Variants in CADPS2 observed in about 807,000 individuals in gnomAD.
The protein encoded by CADPS2 is calcium dependent secretion activator 2, also known as calcium-dependent secretion activator 2.
In CADPS2, 93 loss-of-function variants were observed where a neutral mutation model predicts 172.5. The ratio of observed to expected loss-of-function variants is 0.54; its 90% CI spans 0.46 to 0.64. CADPS2 has a LOEUF of 0.64. CADPS2 is among the 30% of genes least tolerant of loss of function. The pLI is 0.00. For missense variants in CADPS2, 1,420 were observed against 1,565.9 expected (o/e 0.91, Z 1.57); for synonymous variants, 546 against 555.2 (o/e 0.98, Z 0.23).
chr7:122,533,037 TTTTTAG>T (rs1477619807), intron 8 of CADPS2, among the ~76,000 whole-genome samples: 1 of 152,016 alleles, frequency 6.6e-6, no homozygotes, highest in Non-Finnish European at 1.5e-5. Context: ...CCCACCCCCA[TTTTTAG>T]AAAGGCCTAT....
chr7:122,411,788 A>G (rs1301827023), intron 19 of CADPS2, among the ~76,000 whole-genome samples: 2 of 152,154 alleles, frequency 1.3e-5, no homozygotes, highest in East Asian at 3.9e-4. Flanking sequence ...TGAGGGCCAT[A>G]TTCTAAAAAT....
At chr7:122,796,309 C>G (rs1796360306) in intron 1 of CADPS2, among the ~76,000 whole-genome samples, 1 of 152,170 alleles carries the variant, frequency 6.6e-6, no homozygotes, top group Admixed American at 6.5e-5. Flanking sequence ...ATTCAATGCT[C>G]TTCCATTAAA....
intron 2 of CADPS2, chr7:122,702,007 A>T: frequency 6.2e-7 from 1 of 1,613,700 alleles, no homozygotes; most frequent in South Asian, 1.1e-5. Flanking sequence ...CTAATTCCTC[A>T]TCCCCTTCTT....
intron 2 of CADPS2, among the ~76,000 whole-genome samples, chr7:122,666,754 C>T (rs114587469): frequency 8.2e-4 from 125 of 152,248 alleles, no homozygotes; most frequent in African/African-American, 2.8e-3. Flanking sequence ...GGCAGCAACC[C>T]GTGGGCAGCT....
chr7:122,748,435 G>T lies in CADPS2; in HGVS notation c.340-11367C>A, dbSNP rs538614600. On this transcript the variant is annotated intron_variant, in intron 1 of 29. Transcript: ENST00000449022. ...TGAAGCCATATTTGCAAGAAACAGTGACTTTATGTTTATCACAAAGTATTC... is the reference window on the plus strand; with the variant it reads ...TGAAGCCATATTTGCAAGAAACAGTTACTTTATGTTTATCACAAAGTATTC... Among the ~76,000 whole-genome samples, 5 of 152,186 alleles carry T rather than the reference G, an allele frequency of 3.3e-5. No homozygotes were observed. The East Asian group carries it at 9.7e-4, about 29-fold the overall frequency.
At chr7:122,814,940 G>A (rs1240987186) in intron 1 of CADPS2, among the ~76,000 whole-genome samples, 3 of 152,070 alleles carry the variant, frequency 2.0e-5, no homozygotes. Flanking sequence ...TTCAGGCTCT[G>A]TTTACTATAA....
chr7:122,669,768 C>T (rs2081595879), intron 2 of CADPS2, among the ~76,000 whole-genome samples: 1 of 152,074 alleles, frequency 6.6e-6, no homozygotes. Context: ...CCTTTAATCA[C>T]TTAAGCTCCA....
At chr7:122,798,507 T>C (rs1053468623) in intron 1 of CADPS2, among the ~76,000 whole-genome samples, 2 of 152,148 alleles carry the variant, frequency 1.3e-5, no homozygotes, top group Middle Eastern at 3.2e-3. Flanking sequence ...TCCTATATTA[T>C]CCCAAATGCT....
In CADPS2 at chr7:122,581,308, A is replaced by G. The variant is rs753956478; in HGVS notation, c.1224-18T>C. The G allele has an allele frequency of 1.3e-6, 2 of 1,593,448 alleles. No homozygotes were observed. The highest frequency in any genetic ancestry group is 1.7e-6 in the Non-Finnish European group (2 of 1,162,174). On this transcript the variant is annotated intron_variant, in intron 6 of 29. Transcript: ENST00000449022. Reference sequence around the variant, plus strand: ...TCCCCCATCTGTAATGAAGTAAAAAAAATGTTTCTTAAAATGCAGCATTAT... The same window carrying G: ...TCCCCCATCTGTAATGAAGTAAAAAGAATGTTTCTTAAAATGCAGCATTAT...
chr7:122,846,069 A>G (rs1811917309), intron 1 of CADPS2, among the ~76,000 whole-genome samples: 1 of 152,254 alleles, frequency 6.6e-6, no homozygotes. Context: ...TTTCACAGTT[A>G]AAATTCTAAA....
At chr7:122,459,538 C>T (rs1023204415) in intron 14 of CADPS2, among the ~76,000 whole-genome samples, 4 of 151,936 alleles carry the variant, frequency 2.6e-5, no homozygotes, top group Admixed American at 2.0e-4. Flanking sequence ...AGTCTTTATC[C>T]TTTGTTATAA....
At chr7:122,683,814 C>A (rs925428813) in intron 2 of CADPS2, among the ~76,000 whole-genome samples, 1 of 151,888 alleles carries the variant, frequency 6.6e-6, no homozygotes, top group Admixed American at 6.6e-5. Context: ...CTCCCCAAGT[C>A]TACATGGGTT....
chr7:122,698,532 G>T lies in CADPS2; in HGVS notation c.454-34963C>A, dbSNP rs1467381453. On this transcript the variant is annotated intron_variant, in intron 2 of 29. Transcript: ENST00000449022. The stretch of plus-strand genomic sequence containing the variant: ...GGTTGCCAGTACCTGGAACGTTATA[G>T]ATGATCACTCCACTGGCTCCCTTCT... 3.1e-6 allele frequency: 5 copies of T among 1,614,052 alleles called. No individual in the cohort carries two copies. The South Asian group carries it at 5.5e-5, about 18-fold the overall frequency.
intron 3 of CADPS2, among the ~76,000 whole-genome samples, chr7:122,632,172 G>A (rs959831131): frequency 6.6e-6 from 1 of 152,262 alleles, no homozygotes; most frequent in African/African-American, 2.4e-5. Context: ...CCATATGGGT[G>A]CAAGTGTCCT....
At chr7:122,790,397 TAAAAAAAAAA>T (rs71531917) in intron 1 of CADPS2, among the ~76,000 whole-genome samples, 2 of 117,088 alleles carry the variant, frequency 1.7e-5, no homozygotes, top group Non-Finnish European at 3.6e-5. Flanking sequence ...ACAGCGTTTC[TAAAAAAAAAA>T]AAAAAAAAAG....
intron 1 of CADPS2, among the ~76,000 whole-genome samples, chr7:122,785,350 T>A (rs1165164850): frequency 1.3e-5 from 2 of 152,168 alleles, no homozygotes; most frequent in East Asian, 1.9e-4. Context: ...TAAAGTCTGA[T>A]TGTTAGTTCT....
At chr7:122,645,345 ATGTGTGTGTATACATGTACATG>A (rs2078247538) in intron 3 of CADPS2, among the ~76,000 whole-genome samples, 3 of 74,800 alleles carry the variant, frequency 4.0e-5, no homozygotes, top group African/African-American at 1.5e-4. Context: ...ACACATGTAC[ATGTGTGTGTATACATGTACATG>A]TATACACACA....
intron 6 of CADPS2, among the ~76,000 whole-genome samples, chr7:122,603,410 G>A (rs867567552): frequency 1.7e-4 from 25 of 146,280 alleles, no homozygotes; most frequent in Middle Eastern, 6.8e-3. Context: ...TTAAAAATAG[G>A]ATGCTAAAAG....
At chr7:122,345,991 CA>C (rs1418427725) in intron 27 of CADPS2, among the ~76,000 whole-genome samples, 1 of 146,000 alleles carries the variant, frequency 6.8e-6, no homozygotes, top group African/African-American at 2.5e-5. Context: ...TAAATTTTTC[CA>C]AAAATTTTCC....
Sources: allele counts gnomAD v4.1 joint callset (sites outside exome capture counted in the v4.1 genomes callset), GRCh38; gene constraint gnomAD v4.1.1; transcripts MANE v1.5; gene names NCBI Gene and HGNC (gene_info 2026-07-23, HGNC 2026-07-21).